The following DEFB134 variants were observed in gnomAD, a reference collection of about 807,000 sequenced individuals.
DEFB134 encodes defensin beta 134, also known as beta-defensin 134.
A neutral mutation model predicts 7.4 loss-of-function variants in DEFB134; 7 were observed. That is an observed-to-expected ratio of 0.95 (90% confidence interval 0.54 to 1.79). The LOEUF (loss-of-function observed/expected upper bound fraction) is 1.79, where lower values mean the gene tolerates loss of function less well. Among genes scored for constraint, DEFB134 ranks in the 40% most tolerant of loss-of-function variants. The pLI is 0.00. For synonymous variants in DEFB134, 33 were observed against 25.0 expected, an observed-to-expected ratio of 1.32 and a Z score of -0.96; for missense variants, 105 against 74.8, an observed-to-expected ratio of 1.40 and a Z score of -1.49.
At chr8:11,996,358 G>A, upstream of DEFB134, 1 of 1,272,286 alleles carries the variant, frequency 7.9e-7, no homozygotes, top group Non-Finnish European at 1.1e-6. Flanking sequence ...TCTCAGGGCT[G>A]GGGTATGCCT....
exon 2 of DEFB134, chr8:11,993,965 C>A (rs762956341): frequency 3.5e-5 from 56 of 1,609,264 alleles, no homozygotes; most frequent in Non-Finnish European, 4.7e-5. Flanking sequence ...AGTGGCCATT[C>A]ATTGGTTTCT....
At chr8:11,999,592 G>C (rs1478744561), upstream of DEFB134, 7 of 141,940 alleles carry the variant, frequency 4.9e-5, no homozygotes, top group African/African-American at 1.5e-4. Flanking sequence ...TCACTGACTA[G>C]GTCACCAACT....
At chr8:11,996,137 A>G in intron 1 of DEFB134, 57 bp downstream of exon 2, 1 of 1,594,764 alleles carries the variant, frequency 6.3e-7, no homozygotes, top group Non-Finnish European at 8.6e-7. Context: ...TGGGTTGTTT[A>G]GTGGCATTGT....
chr8:11,998,954 G>A, upstream of DEFB134: 1 of 152,258 alleles, frequency 6.6e-6, no homozygotes, highest in East Asian at 1.9e-4. Flanking sequence ...ATAAATGCCT[G>A]GAAAAGTACA....
exon 2 of DEFB134, chr8:11,994,023 A>G: frequency 1.9e-6 from 3 of 1,613,998 alleles, no homozygotes; most frequent in Non-Finnish European, 2.5e-6. Context: ...CAGCTGAAAC[A>G]TACAGTAGGC....
upstream of DEFB134, chr8:11,996,406 G>T: frequency 1.6e-6 from 1 of 642,626 alleles, no homozygotes; most frequent in Non-Finnish European, 2.5e-6. Flanking sequence ...CACCCCTGAG[G>T]CAGCCGTGTT....
chr8:11,994,351 G>C (rs955178582), intron 1 of DEFB134, among the ~76,000 whole-genome samples: 2 of 152,182 alleles, frequency 1.3e-5, no homozygotes, highest in Non-Finnish European at 2.9e-5. Context: ...GGGCCTTCAG[G>C]AAGTAATATA....
chr8:11,994,287 C>A (rs1359528579), intron 1 of DEFB134, among the ~76,000 whole-genome samples, 165 bp from the exon 3 acceptor site: 1 of 152,014 alleles, frequency 6.6e-6, no homozygotes, highest in Admixed American at 6.6e-5. Flanking sequence ...ATTGTGTCAC[C>A]CCAAAATTCA....
chr8:11,998,360 A>T (rs981826645), upstream of DEFB134, among the ~76,000 whole-genome samples: 1 of 152,040 alleles, frequency 6.6e-6, no homozygotes, highest in African/African-American at 2.4e-5. Flanking sequence ...TCGAGGTGGG[A>T]GAATTGCTTG....
upstream of DEFB134, among the ~76,000 whole-genome samples, chr8:12,000,568 ATAAAGT>A (rs1800243943): frequency 1.3e-5 from 2 of 152,302 alleles, no homozygotes; most frequent in African/African-American, 2.4e-5. Flanking sequence ...CAGACCTATG[ATAAAGT>A]TAAATTTATA....
chr8:11,994,496 A>C (rs1800066438), intron 1 of DEFB134, among the ~76,000 whole-genome samples: 1 of 152,232 alleles, frequency 6.6e-6, no homozygotes, highest in African/African-American at 2.4e-5. Flanking sequence ...AGCTCTCATC[A>C]GAAATTGAAT....
chr8:11,999,092 C>T (rs1461161029), upstream of DEFB134: 3 of 155,800 alleles, frequency 1.9e-5, no homozygotes, highest in Non-Finnish European at 2.9e-5. Context: ...TCATTTCTAC[C>T]TTAGGTTCCT....
chr8:11,995,107 A>C (rs1800082766), intron 1 of DEFB134, among the ~76,000 whole-genome samples: 1 of 152,256 alleles, frequency 6.6e-6, no homozygotes, highest in South Asian at 2.1e-4. Context: ...CTAGAGGACA[A>C]TCTGTAACAC....
upstream of DEFB134, among the ~76,000 whole-genome samples, chr8:12,000,746 T>C (rs114249989): frequency 1.9e-3 from 286 of 152,202 alleles, 1 homozygote; most frequent in African/African-American, 6.6e-3. Context: ...TGATGTAAGA[T>C]GATATAATGC....
At chr8:11,998,818 T>C (rs1003303765), upstream of DEFB134, among the ~76,000 whole-genome samples, 4 of 150,712 alleles carry the variant, frequency 2.7e-5, no homozygotes, top group Non-Finnish European at 5.9e-5. Flanking sequence ...AAAAAGAAGA[T>C]CCAAAAAAAC....
chr8:11,999,897 G>C (rs1282776806), upstream of DEFB134, among the ~76,000 whole-genome samples: 1 of 152,154 alleles, frequency 6.6e-6, no homozygotes, highest in Non-Finnish European at 1.5e-5. Context: ...TGGTGCTCTG[G>C]GATTAGAAAA....
intron 1 of DEFB134, among the ~76,000 whole-genome samples, chr8:11,995,544 G>A (rs1472829757): frequency 6.6e-6 from 1 of 152,128 alleles, no homozygotes; most frequent in African/African-American, 2.4e-5. Context: ...ATGTCTCCCT[G>A]GCTGCTATCT....
upstream of DEFB134, among the ~76,000 whole-genome samples, chr8:12,000,211 A>T (rs1800234552): frequency 6.6e-6 from 1 of 152,246 alleles, no homozygotes; most frequent in African/African-American, 2.4e-5. Flanking sequence ...CTTTCCCATT[A>T]CAAATTTTAC....
upstream of DEFB134, chr8:11,999,223 C>T: frequency 4.9e-6 from 1 of 204,440 alleles, no homozygotes; most frequent in Non-Finnish European, 1.1e-5. Context: ...TCATGAAAAG[C>T]AGGTATGGGA....
Sources: allele counts gnomAD v4.1 joint callset (sites outside exome capture counted in the v4.1 genomes callset), GRCh38; gene constraint gnomAD v4.1.1; transcripts MANE v1.5; gene names NCBI Gene and HGNC (gene_info 2026-07-23, HGNC 2026-07-21).